Variants in BRMS1L observed in about 807,000 individuals in gnomAD.
BRMS1L encodes BRMS1 like transcriptional repressor.
BRMS1L carries 23 observed loss-of-function variants against 50.3 expected under a neutral mutation model. The ratio of observed to expected loss-of-function variants is 0.46; its 90% CI spans 0.33 to 0.65. The LOEUF (loss-of-function observed/expected upper bound fraction) is 0.65, where lower values mean the gene tolerates loss of function less well. Among genes scored for constraint, BRMS1L ranks in the 30% least tolerant of loss-of-function variants. BRMS1L has a pLI of 0.02. For synonymous variants in BRMS1L, 114 were observed against 126.9 expected (o/e 0.90, Z 0.69); for missense variants, 286 against 386.1 (o/e 0.74, Z 2.17).
chr14:35,838,114 A>G (rs1321983692), intron 4 of BRMS1L, among the ~76,000 whole-genome samples: 1 of 152,104 alleles, frequency 6.6e-6, no homozygotes, highest in African/African-American at 2.4e-5. Flanking sequence ...ATGAGTGAGA[A>G]CACGCGGTGT....
intron 4 of BRMS1L, among the ~76,000 whole-genome samples, chr14:35,848,093 T>C (rs891412905): frequency 1.3e-5 from 2 of 152,206 alleles, no homozygotes; most frequent in African/African-American, 4.8e-5. Flanking sequence ...CTGGATCATA[T>C]GATATTTTTT....
Position 35,829,857 on chromosome 14 carries a change from A to G in BRMS1L, c.143-1553A>G, listed in dbSNP as rs148802559. ...TTTTGTGCTTCAGTTATTTTGATGA[A>G]TGAATATATGTGATATGAACATAGA... On this transcript the variant is annotated intron_variant, in intron 1 of 9. Coordinates refer to ENST00000216807, the MANE Select transcript of BRMS1L (RefSeq NM_032352.4). The G allele has an allele frequency of 2.8e-4, 354 of 1,247,294 alleles. 2 individuals carry two copies. The African/African-American group carries it at 4.5e-3, about 16-fold the overall frequency. The allele number at this position is 1,247,294 out of a possible 1,614,324, so 77.3% of individuals were successfully genotyped here.
At chr14:35,866,831 G>T (rs2078428018) in intron 8 of BRMS1L, among the ~76,000 whole-genome samples, 1 of 152,172 alleles carries the variant, frequency 6.6e-6, no homozygotes. Context: ...TAGAGCAGTG[G>T]TTCTTAACAT....
At chr14:35,857,919 A>G (rs1406597819) in intron 4 of BRMS1L, among the ~76,000 whole-genome samples, 1 of 148,366 alleles carries the variant, frequency 6.7e-6, no homozygotes, top group Non-Finnish European at 1.5e-5. Context: ...TTTTTTTTTT[A>G]ATTAAGCTAA....
chr14:35,851,306 G>A (rs2078208085), intron 4 of BRMS1L, among the ~76,000 whole-genome samples: 1 of 151,416 alleles, frequency 6.6e-6, no homozygotes. Context: ...AGTACCATGA[G>A]GATGTAAAAA....
At chr14:35,855,289 G>T (rs2078265669) in intron 4 of BRMS1L, among the ~76,000 whole-genome samples, 1 of 152,098 alleles carries the variant, frequency 6.6e-6, no homozygotes, top group East Asian at 1.9e-4. Flanking sequence ...TGGGGGTCTT[G>T]CTATGTTGCC....
chr14:35,826,693 C>A (rs1272094415), intron 1 of BRMS1L, 35 bp downstream of exon 1: 5 of 1,602,054 alleles, frequency 3.1e-6, no homozygotes, highest in East Asian at 2.2e-5. Context: ...TGAGTCCCCG[C>A]GCCCAGCGCG....
chr14:35,843,077 G>A (rs761472017), intron 4 of BRMS1L, among the ~76,000 whole-genome samples: 2 of 152,132 alleles, frequency 1.3e-5, no homozygotes, highest in Middle Eastern at 3.2e-3. Context: ...AGCAGTTCCT[G>A]TAGCCTTTTA....
chr14:35,826,703 G>A (rs751579225), intron 1 of BRMS1L, 45 bp downstream of exon 1: 18 of 1,597,300 alleles, frequency 1.1e-5, no homozygotes, highest in Non-Finnish European at 1.3e-5. Flanking sequence ...CGCCCAGCGC[G>A]CGACAGGCCG....
chr14:35,830,613 C>T (rs1407060348), intron 1 of BRMS1L, among the ~76,000 whole-genome samples: 7 of 152,162 alleles, frequency 4.6e-5, no homozygotes, highest in African/African-American at 1.7e-4. Context: ...CAGCCTCAGC[C>T]TCCCAAAGTG....
At chr14:35,863,975 G>GT (rs562010292) in intron 6 of BRMS1L, 22 bp downstream of exon 6, 3,487 of 1,551,098 alleles carry the variant, frequency 2.2e-3, no homozygotes, top group Non-Finnish European at 2.6e-3. Flanking sequence ...CAAATTTTCT[G>GT]TTTTTTTTTC....
chr14:35,829,035 T>C, intron 1 of BRMS1L, among the ~76,000 whole-genome samples: 1 of 151,582 alleles, frequency 6.6e-6, no homozygotes, highest in East Asian at 1.9e-4. Context: ...AACCTCTGCC[T>C]CCTGGATTAG....
intron 4 of BRMS1L, among the ~76,000 whole-genome samples, chr14:35,844,885 T>C (rs2078113838): frequency 6.6e-6 from 1 of 152,188 alleles, no homozygotes; most frequent in Non-Finnish European, 1.5e-5. Flanking sequence ...TTAATTAATT[T>C]TTTTTAAACT....
chr14:35,861,706 G>C (rs1177803632), intron 4 of BRMS1L, among the ~76,000 whole-genome samples: 2 of 152,194 alleles, frequency 1.3e-5, no homozygotes, highest in Non-Finnish European at 2.9e-5. Flanking sequence ...AGACTCAAGA[G>C]AGAGGGCTTC....
At chr14:35,847,411 A>C (rs1470877115) in intron 4 of BRMS1L, among the ~76,000 whole-genome samples, 1 of 152,106 alleles carries the variant, frequency 6.6e-6, no homozygotes, top group African/African-American at 2.4e-5. Flanking sequence ...ATGATCCTGC[A>C]CCTCAGTCTC....
chr14:35,864,419 C>T (rs1223878140), intron 6 of BRMS1L, among the ~76,000 whole-genome samples: 1 of 151,992 alleles, frequency 6.6e-6, no homozygotes, highest in African/African-American at 2.4e-5. Context: ...GTGCCACTCG[C>T]CTGGCTAATT....
At chr14:35,827,842 C>T (rs1392959787) in intron 1 of BRMS1L, among the ~76,000 whole-genome samples, 1 of 152,142 alleles carries the variant, frequency 6.6e-6, no homozygotes, top group Non-Finnish European at 1.5e-5. Context: ...CCTTAATTAT[C>T]TTGAAGAATG....
chr14:35,868,877 T>C (rs2078453883), intron 9 of BRMS1L, among the ~76,000 whole-genome samples: 1 of 152,232 alleles, frequency 6.6e-6, no homozygotes, highest in Non-Finnish European at 1.5e-5. Flanking sequence ...ATAAAGTTTA[T>C]ATAACTATTT....
At chr14:35,836,791 G>A (rs2077999562) in intron 4 of BRMS1L, among the ~76,000 whole-genome samples, 1 of 152,174 alleles carries the variant, frequency 6.6e-6, no homozygotes, top group South Asian at 2.1e-4. Flanking sequence ...GCTCATGCCT[G>A]TAATCCCAGC....
Sources: allele counts gnomAD v4.1 joint callset (sites outside exome capture counted in the v4.1 genomes callset), GRCh38; gene constraint gnomAD v4.1.1; transcripts MANE v1.5; gene names NCBI Gene and HGNC (gene_info 2026-07-23, HGNC 2026-07-21).